The following PTPA variants were observed in gnomAD, a reference collection of about 807,000 sequenced individuals.
The protein encoded by PTPA is serine/threonine-protein phosphatase 2A activator.
In PTPA, 13 loss-of-function variants were observed where a neutral mutation model predicts 43.6. The ratio of observed to expected loss-of-function variants is 0.30; its 90% confidence interval spans 0.19 to 0.47. PTPA has a LOEUF of 0.47. Ranked by LOEUF, PTPA falls within the 20% of genes least tolerant of loss-of-function variation. The pLI is 0.99. For synonymous variants in PTPA, 172 were observed against 158.2 expected (o/e 1.09, Z -0.66); for missense variants, 329 against 411.9 (o/e 0.80, Z 1.74).
intron 9 of PTPA, chr9:129,142,815 C>T (rs1296302057): frequency 5.2e-6 from 8 of 1,534,684 alleles, no homozygotes; most frequent in Admixed American, 2.0e-5. Flanking sequence ...GAGGCAAGGA[C>T]CTGCTGCATG....
At chr9:129,119,660 G>C (rs894391793) in intron 1 of PTPA, 1 of 152,150 alleles carries the variant, frequency 6.6e-6, no homozygotes, top group Non-Finnish European at 1.5e-5. Flanking sequence ...TGCCTGCCTT[G>C]GCCTCCCAAA....
At chr9:129,112,992 A>G (rs923324175) in intron 1 of PTPA, among the ~76,000 whole-genome samples, 5 of 151,732 alleles carry the variant, frequency 3.3e-5, no homozygotes, top group Non-Finnish European at 7.4e-5. Flanking sequence ...TCTAAGCCAC[A>G]TTGGAAGCAG....
intron 3 of PTPA, chr9:129,128,017 C>A: frequency 1.5e-6 from 2 of 1,347,928 alleles, no homozygotes; most frequent in South Asian, 2.4e-5. Context: ...AGAGTGTGTC[C>A]TGCGATGAAT....
rs905014092 is a variant in PTPA, at chr9:129,140,822, G to A, written c.787-1623G>A. ...AGGGTGGGGAGGTGGGGGAGGGGCT[G>A]GGGGTGGAGTGTGGTTGAGCAGGGC... On this transcript the variant is annotated intron_variant, in intron 8 of 9. Coordinates refer to ENST00000393370, the MANE Select transcript of PTPA (RefSeq NM_178000.3). Among the ~76,000 whole-genome samples, 20 of 151,798 alleles carry A rather than the reference G, an allele frequency of 1.3e-4. 1 individual carries two copies. Among genetic ancestry groups the A allele is most frequent in the African/African-American group, 4.6e-4 (19 of 41,284 alleles).
intron 9 of PTPA, 65 bp from the exon 10 acceptor site, chr9:129,147,322 G>A: frequency 6.5e-7 from 1 of 1,532,376 alleles, no homozygotes; most frequent in Non-Finnish European, 9.0e-7. Flanking sequence ...TGCTGCGGTT[G>A]TTGGGGTCCT....
At chr9:129,120,218 A>G (rs1039070511) in intron 1 of PTPA, among the ~76,000 whole-genome samples, 4 of 152,024 alleles carry the variant, frequency 2.6e-5, no homozygotes, top group Middle Eastern at 6.8e-3. Flanking sequence ...AGATCGCGCC[A>G]CTGCACTCCA....
chr9:129,111,629 C>T lies in PTPA; in HGVS notation c.29C>T (p.Pro10Leu). MAEGERQPP[P>L]DSSEEAPPAT... ...GCTGAGGGCGAGCGGCAGCCGCCGC[C>T]AGGTAAGGCCGGCGGGGCCAGGCCG... The change falls in exon 1 of 10, where the codon CCA (proline) becomes CTA (leucine). Residue 10 changes from proline to leucine, a missense_variant and splice_region_variant. By Grantham distance (98) the Pro-to-Leu change is moderately conservative. Transcript: ENST00000393370. 3.9e-6 allele frequency: 5 copies of T among 1,274,158 alleles called. No homozygotes were observed. The highest frequency in any genetic ancestry group is 4.0e-6 in the Non-Finnish European group (4 of 1,002,200). The allele number at this position is 1,274,158 out of a possible 1,614,324, so 78.9% of individuals were successfully genotyped here. A position where few individuals can be genotyped will look rare whatever the true frequency, so the allele number is the denominator to read the frequency against.
At chr9:129,133,812 C>CGT (rs1367290563) in intron 5 of PTPA, among the ~76,000 whole-genome samples, 1 of 152,208 alleles carries the variant, frequency 6.6e-6, no homozygotes, top group Non-Finnish European at 1.5e-5. Context: ...GCTCTCACTG[C>CGT]CTTCGACATA....
chr9:129,145,052 T>G (rs555111409), intron 9 of PTPA, among the ~76,000 whole-genome samples: 4 of 148,342 alleles, frequency 2.7e-5, no homozygotes, highest in Admixed American at 6.7e-5. Context: ...AATCACTGGT[T>G]GGGTGCGGTG....
chr9:129,142,252 C>A, intron 8 of PTPA, 193 bp from the exon 9 acceptor site: 2 of 480,104 alleles, frequency 4.2e-6, no homozygotes, highest in Non-Finnish European at 7.2e-6. Flanking sequence ...CTGGCACTTG[C>A]ATGTGCCTGT....
At chr9:129,141,478 C>T (rs1007967524) in intron 8 of PTPA, among the ~76,000 whole-genome samples, 1 of 151,872 alleles carries the variant, frequency 6.6e-6, no homozygotes, top group Admixed American at 6.5e-5. Context: ...TAAATGCTGC[C>T]TATGAGCTGG....
At chr9:129,119,256 C>A (rs1478547711) in intron 1 of PTPA, 2 of 152,744 alleles carry the variant, frequency 1.3e-5, no homozygotes, top group African/African-American at 4.8e-5. Context: ...GCCTTGGCCT[C>A]CCAAATTGCT....
intron 7 of PTPA, 77 bp downstream of exon 7, chr9:129,136,672 GCTCC>G: frequency 6.9e-7 from 1 of 1,458,022 alleles, no homozygotes; most frequent in East Asian, 2.5e-5. Flanking sequence ...CCCCTCCTGC[GCTCC>G]CTCCTTCCCT....
chr9:129,140,232 C>T (rs939542576), intron 8 of PTPA: 6 of 152,674 alleles, frequency 3.9e-5, no homozygotes, highest in South Asian at 2.1e-4. Context: ...CTCGCTCGCT[C>T]ATTCTGGTTC....
At chr9:129,141,633 C>T (rs1478139403) in intron 8 of PTPA, 1 of 152,290 alleles carries the variant, frequency 6.6e-6, no homozygotes, top group Non-Finnish European at 1.5e-5. Flanking sequence ...GCTGCAGAAT[C>T]TTTCTCTTCC....
chr9:129,131,671 C>T (rs764803987), intron 5 of PTPA, 32 bp downstream of exon 5: 1 of 1,587,144 alleles, frequency 6.3e-7, no homozygotes, highest in East Asian at 2.2e-5. Context: ...CTGTACTTAT[C>T]TAGCTTCACT....
upstream of PTPA, chr9:129,111,026 G>C (rs767798691): frequency 7.3e-6 from 10 of 1,369,788 alleles, no homozygotes; most frequent in Non-Finnish European, 9.8e-6. Flanking sequence ...CTTCTAAGCT[G>C]TTGGAGGTAG....
At chr9:129,132,176 G>C (rs1440089864) in intron 5 of PTPA, among the ~76,000 whole-genome samples, 3 of 152,132 alleles carry the variant, frequency 2.0e-5, no homozygotes, top group Non-Finnish European at 4.4e-5. Context: ...CTTTAAAAGG[G>C]AAGTGTAGAC....
chr9:129,145,842 G>C (rs992015660), intron 9 of PTPA, among the ~76,000 whole-genome samples: 1 of 152,174 alleles, frequency 6.6e-6, no homozygotes, highest in Admixed American at 6.5e-5. Flanking sequence ...CTGGCTGGAA[G>C]GTCAGGGGGC....
Sources: allele counts gnomAD v4.1 joint callset (sites outside exome capture counted in the v4.1 genomes callset), GRCh38; gene constraint gnomAD v4.1.1; transcripts MANE v1.5; gene names NCBI Gene and HGNC (gene_info 2026-07-23, HGNC 2026-07-21).